Variants in NHSL2 observed in about 807,000 individuals in gnomAD.
The protein encoded by NHSL2 is NHS like 2, also known as NHS-like protein 2.
In NHSL2, 27 loss-of-function variants were observed where a neutral mutation model predicts 53.4. That is an observed-to-expected ratio of 0.51 (90% CI 0.37 to 0.70). The LOEUF (loss-of-function observed/expected upper bound fraction) is 0.70, where lower values mean the gene tolerates loss of function less well. Ranked by LOEUF, NHSL2 falls within the 30% of genes least tolerant of loss-of-function variation. NHSL2 has a pLI of 0.00. For missense variants in NHSL2, 892 were observed against 980.1 expected, an observed-to-expected ratio of 0.91 and a Z score of 1.20; for synonymous variants, 408 against 404.1, an observed-to-expected ratio of 1.01 and a Z score of -0.12.
At chrX:72,036,143 C>CAT (rs1408976666) in intron 1 of NHSL2, among the ~76,000 whole-genome samples, 1 of 112,451 alleles carries the variant, frequency 8.9e-6, no homozygotes, top group African/African-American at 3.2e-5. Context: ...TCCCTGGTGA[C>CAT]AGAGGATTTC....
chrX:71,985,030 A>G (rs1321115647), intron 1 of NHSL2, among the ~76,000 whole-genome samples: 2 of 110,928 alleles, frequency 1.8e-5, no homozygotes, highest in African/African-American at 6.5e-5. Flanking sequence ...TCACTGTGTT[A>G]GCCAGGATGG....
intron 1 of NHSL2, among the ~76,000 whole-genome samples, chrX:71,989,963 G>A (rs1260233779): frequency 8.9e-6 from 1 of 112,525 alleles, no homozygotes; most frequent in Non-Finnish European, 1.9e-5. Flanking sequence ...CCAGGGCTCC[G>A]CCTGCCAGCA....
At chrX:72,001,250 C>T (rs2042071529) in intron 1 of NHSL2, among the ~76,000 whole-genome samples, 1 of 111,982 alleles carries the variant, frequency 8.9e-6, no homozygotes, top group Non-Finnish European at 1.9e-5. Flanking sequence ...TGGCTTTTTA[C>T]TTCCTTTCCA....
intron 1 of NHSL2, among the ~76,000 whole-genome samples, chrX:72,098,865 C>T (rs2041967068): frequency 9.0e-6 from 1 of 111,701 alleles, no homozygotes; most frequent in African/African-American, 3.3e-5. Flanking sequence ...TCAAAATCAT[C>T]TAGAATAACA....
At chrX:71,946,564 T>C (rs185828547) in intron 1 of NHSL2, among the ~76,000 whole-genome samples, 17 of 111,748 alleles carry the variant, frequency 1.5e-4, no homozygotes, top group Non-Finnish European at 3.2e-4. Flanking sequence ...GGAGCGGTCG[T>C]CTGGCTCCAC....
chrX:72,066,565 TAAG>T (rs1459703169), intron 1 of NHSL2, among the ~76,000 whole-genome samples: 1 of 110,553 alleles, frequency 9.0e-6, no homozygotes, highest in African/African-American at 3.3e-5. Flanking sequence ...GCTTCCCAAA[TAAG>T]AAGCTCAGAT....
At chrX:71,977,602 A>T (rs1229454579) in intron 1 of NHSL2, among the ~76,000 whole-genome samples, 1 of 110,697 alleles carries the variant, frequency 9.0e-6, no homozygotes, top group Non-Finnish European at 1.9e-5. Flanking sequence ...TTGTAGAGAC[A>T]GGCTTTCGTC....
At chrX:71,974,620 C>T (rs1347836610) in intron 1 of NHSL2, among the ~76,000 whole-genome samples, 6 of 111,896 alleles carry the variant, frequency 5.4e-5, no homozygotes, top group Non-Finnish European at 3.8e-5. Context: ...TAAATATTGG[C>T]AAGAGCACGC....
chrX:72,012,834 A>G (rs1349670649), intron 1 of NHSL2, among the ~76,000 whole-genome samples: 1 of 111,916 alleles, frequency 8.9e-6, no homozygotes, highest in African/African-American at 3.3e-5. Flanking sequence ...TTTGTTGAAA[A>G]TCAGTGGGGC....
At chrX:71,928,593 A>T (rs1602263517) in intron 1 of NHSL2, among the ~76,000 whole-genome samples, 1 of 111,121 alleles carries the variant, frequency 9.0e-6, no homozygotes, top group Admixed American at 9.5e-5. Context: ...GCATTTTTGG[A>T]GTTGGGGAAA....
intron 1 of NHSL2, among the ~76,000 whole-genome samples, chrX:71,947,803 C>T (rs902830425): frequency 8.9e-6 from 1 of 111,888 alleles, no homozygotes; most frequent in East Asian, 2.8e-4. Context: ...AATGGAAAGC[C>T]AAACGTCGTA....
intron 1 of NHSL2, among the ~76,000 whole-genome samples, chrX:72,079,334 A>G (rs1045059547): frequency 1.8e-5 from 2 of 112,273 alleles, no homozygotes; most frequent in South Asian, 7.3e-4. Context: ...TCTGCAGTCT[A>G]TTGGCGGAAG....
intron 1 of NHSL2, among the ~76,000 whole-genome samples, chrX:71,965,427 A>G (rs1463443165): frequency 8.9e-6 from 1 of 112,384 alleles, no homozygotes; most frequent in African/African-American, 3.2e-5. Flanking sequence ...TGAGTATATG[A>G]GAGTATATTT....
At chrX:71,992,155 G>C (rs896592296) in intron 1 of NHSL2, among the ~76,000 whole-genome samples, 1 of 112,828 alleles carries the variant, frequency 8.9e-6, no homozygotes, top group African/African-American at 3.2e-5. Flanking sequence ...TGGTGTGGGT[G>C]TATGTGCCCA....
intron 1 of NHSL2, among the ~76,000 whole-genome samples, chrX:72,066,008 G>A (rs2042427192): frequency 8.9e-6 from 1 of 112,033 alleles, no homozygotes; most frequent in Non-Finnish European, 1.9e-5. Flanking sequence ...TCATTGGAAG[G>A]TTCCAAGCAA....
intron 1 of NHSL2, among the ~76,000 whole-genome samples, chrX:72,087,013 A>G (rs992473950): frequency 3.6e-5 from 4 of 111,919 alleles, no homozygotes; most frequent in Non-Finnish European, 1.9e-5. Flanking sequence ...GGCCTGGGCT[A>G]TGAAGGAAGG....
intron 1 of NHSL2, among the ~76,000 whole-genome samples, chrX:72,093,725 T>TTG (rs1569479425): frequency 0.069 from 3,721 of 53,918 alleles, 64 homozygotes; most frequent in Non-Finnish European, 0.088. Context: ...TTGCTTGCTT[T>TTG]CTTTCTTTCT....
intron 1 of NHSL2, among the ~76,000 whole-genome samples, chrX:71,935,574 G>C (rs1346104157): frequency 8.9e-6 from 1 of 112,820 alleles, no homozygotes; most frequent in Non-Finnish European, 1.9e-5. Flanking sequence ...GGTTCCAGGC[G>C]GAGTCGGTTC....
rs368065544 is a variant in NHSL2 at position 72,139,266 on chromosome X, G to A, written c.1718G>A (p.Arg573His). 9.2e-6 allele frequency: 11 copies of A among 1,195,758 alleles called. No homozygotes were observed. The highest frequency in any genetic ancestry group is 1.8e-5 in the South Asian group (1 of 55,017). ...KAKKKPSPPTRSVSLVKDEPG... is the reference protein window; with the variant it reads ...KAKKKPSPPTHSVSLVKDEPG... ...AAAAAGAAGCCTTCCCCACCCACAC[G>A]CAGTGTCTCACTGGTCAAAGATGAG... Residue 573 changes from arginine to histidine, a missense_variant, in exon 6 of 8, where the codon CGC becomes CAC. Transcript: ENST00000633930.
Sources: gnomAD v4.1 joint callset for allele counts (sites outside exome capture counted in the v4.1 genomes callset) on GRCh38, gnomAD v4.1.1 for gene constraint, MANE v1.5 for transcripts, NCBI Gene and HGNC (gene_info 2026-07-23, HGNC 2026-07-21) for gene names.